TENM2: variants seen among roughly 807,000 people sequenced by gnomAD.
TENM2 encodes teneurin transmembrane protein 2.
In TENM2, 52 loss-of-function variants were observed where a neutral mutation model predicts 245.2. That is an observed-to-expected ratio of 0.21 (90% confidence interval 0.17 to 0.27). The LOEUF (loss-of-function observed/expected upper bound fraction) is 0.27. Among genes scored for constraint, TENM2 ranks in the 10% least tolerant of loss-of-function variants. The probability of loss-of-function intolerance (pLI) is 1.00; values close to 1 mark genes in which losing one functional copy is unlikely to be tolerated. For synonymous variants in TENM2, 1,363 were observed against 1,438.9 expected, an observed-to-expected ratio of 0.95 and a Z score of 1.19; for missense variants, 3,046 against 3,666.8, an observed-to-expected ratio of 0.83 and a Z score of 4.37.
At chr5:167,839,711 G>A (rs2151141886) in intron 2 of TENM2, among the ~76,000 whole-genome samples, 1 of 152,258 alleles carries the variant, frequency 6.6e-6, no homozygotes, top group Middle Eastern at 3.4e-3. Context: ...AGTGTTTGCA[G>A]TTTCTCTAAG....
chr5:168,150,723 G>A lies in TENM2; in HGVS notation c.2423-11888G>A, dbSNP rs544355618. 1.1e-3 allele frequency among the ~76,000 whole-genome samples: 165 copies of A among 152,290 alleles called. 1 individual carries two copies. Among genetic ancestry groups the A allele is most frequent in the Non-Finnish European group, 2.1e-3 (146 of 68,022 alleles). ...CTTGGGGAACAAGAAATCAAAGCAA[G>A]TAATATGATATTCTGAGTCTGCCTT... On this transcript the variant is annotated intron_variant, in intron 12 of 28. Coordinates refer to ENST00000518659, the Ensembl canonical transcript of TENM2.
At position 168,094,670 on chromosome 5, in the gene TENM2, G is replaced by A. The variant is rs115106245; in HGVS notation, c.1712-3356G>A. ...CCTGCAACTAGATGATCCCATCTGGGGGTCATGGGGGACAGTAATAGATCA... is the reference window on the plus strand; with the variant it reads ...CCTGCAACTAGATGATCCCATCTGGAGGTCATGGGGGACAGTAATAGATCA... On this transcript the variant is annotated intron_variant, in intron 8 of 28. Transcript: ENST00000518659. Among the ~76,000 whole-genome samples, 320 of 151,560 alleles carry A rather than the reference G, an allele frequency of 2.1e-3. 1 individual carries two copies. The highest frequency in any genetic ancestry group is 7.4e-3 in the African/African-American group (307 of 41,298).
At chr5:167,458,497 A>AC (rs1283221593) in intron 2 of TENM2, among the ~76,000 whole-genome samples, 1 of 108,372 alleles carries the variant, frequency 9.2e-6, no homozygotes, top group Non-Finnish European at 2.0e-5. Context: ...AAAAAAACAA[A>AC]AAAAAAAAAA....
chr5:167,334,057 G>T (rs1208973347), intron 1 of TENM2, among the ~76,000 whole-genome samples: 1 of 151,894 alleles, frequency 6.6e-6, no homozygotes, highest in Non-Finnish European at 1.5e-5. Context: ...TATATTTATT[G>T]AATCTTTCCT....
the TENM2 span, among the ~76,000 whole-genome samples, chr5:167,160,564 A>G: frequency 6.6e-6 from 1 of 152,192 alleles, no homozygotes; most frequent in African/African-American, 2.4e-5. Flanking sequence ...CGCTGACACA[A>G]TTTGCTTCGC....
the TENM2 span, among the ~76,000 whole-genome samples, chr5:167,101,849 T>TTATATATTTATATATATATATATA: frequency 5.8e-5 from 4 of 69,438 alleles, no homozygotes; most frequent in Non-Finnish European, 7.9e-5. Context: ...ATATATATAT[T>TTATATATTTATATATATATATATA]TATATATATA....
At chr5:167,205,531 T>C in the TENM2 span, among the ~76,000 whole-genome samples, 1 of 152,218 alleles carries the variant, frequency 6.6e-6, no homozygotes, top group African/African-American at 2.4e-5. Flanking sequence ...TACTCTTCAT[T>C]TGAAATATTG....
chr5:167,741,720 C>T (rs1304378329), intron 2 of TENM2, among the ~76,000 whole-genome samples: 1 of 152,178 alleles, frequency 6.6e-6, no homozygotes, highest in Non-Finnish European at 1.5e-5. Context: ...TAACATACCA[C>T]CATCTTCCGC....
At chr5:167,265,026 G>T in the TENM2 span, among the ~76,000 whole-genome samples, 1 of 151,958 alleles carries the variant, frequency 6.6e-6, no homozygotes, top group Non-Finnish European at 1.5e-5. Context: ...AAAGCCATGT[G>T]GATAAAGGAA....
intron 2 of TENM2, among the ~76,000 whole-genome samples, chr5:167,504,719 T>G (rs1400269558): frequency 6.6e-6 from 1 of 152,190 alleles, no homozygotes; most frequent in Non-Finnish European, 1.5e-5. Flanking sequence ...TAGATCTGTC[T>G]TTAGTTTTGT....
chr5:168,170,232 G>T (rs144781066), intron 13 of TENM2, among the ~76,000 whole-genome samples: 1 of 152,276 alleles, frequency 6.6e-6, no homozygotes, highest in Non-Finnish European at 1.5e-5. Context: ...AGCTGCGCAC[G>T]GTGGCTCACA....
chr5:168,190,533 C>G (rs1480037260), exon 14 of TENM2: 1 of 1,613,738 alleles, frequency 6.2e-7, no homozygotes, highest in African/African-American at 1.3e-5. Context: ...CTGGAGAGAA[C>G]CCTTTCAACA....
At chr5:167,557,614 C>A (rs991038743) in intron 2 of TENM2, among the ~76,000 whole-genome samples, 1 of 152,146 alleles carries the variant, frequency 6.6e-6, no homozygotes, top group Non-Finnish European at 1.5e-5. Flanking sequence ...ATAATATGAG[C>A]CCGATCCTAG....
Position 168,090,731 on chromosome 5 carries a change from A to T in TENM2, c.1673A>T (p.Lys558Ile), listed in dbSNP as rs1446671143. 1.9e-6 allele frequency: 3 copies of T among 1,613,924 alleles called. No individual in the cohort carries two copies. In the East Asian group the frequency reaches 6.7e-5, roughly 36 times the overall value. ...CATCTGGCCTTCTACAATGATGGAA[A>T]AGACAAAGAGATGGTTTCCTTCAAT... Residue 558 changes from lysine (K) to isoleucine (I), a missense_variant, in exon 8 of 29, where the codon AAA (lysine) becomes ATA (isoleucine). By Grantham distance (102) the Lys-to-Ile change is moderately radical. Around this residue, in one of 2 missense-constraint regions of TENM2, gnomAD observed 2,704 missense variants for 3,331.9 expected, o/e 0.81. Transcript: ENST00000518659.
intron 12 of TENM2, among the ~76,000 whole-genome samples, chr5:168,149,788 G>A (rs184680299): frequency 7.9e-4 from 121 of 152,284 alleles, no homozygotes; most frequent in South Asian, 8.3e-4. Flanking sequence ...TCCGTACAGT[G>A]GACTATGAGG....
chr5:167,519,973 C>T (rs1476991077), intron 2 of TENM2, among the ~76,000 whole-genome samples: 1 of 152,084 alleles, frequency 6.6e-6, no homozygotes, highest in Admixed American at 6.6e-5. Context: ...TTTGAAAATA[C>T]CGAAAACATT....
intron 2 of TENM2, among the ~76,000 whole-genome samples, chr5:167,531,816 T>C (rs1771526111): frequency 1.3e-5 from 2 of 152,192 alleles, no homozygotes. Flanking sequence ...TAATAAATAA[T>C]AGCCAATTAG....
At chr5:167,692,265 G>C (rs570179291) in intron 2 of TENM2, among the ~76,000 whole-genome samples, 2 of 152,254 alleles carry the variant, frequency 1.3e-5, no homozygotes, top group Admixed American at 6.5e-5. Flanking sequence ...TATTAAAAAG[G>C]TCAAATGAAT....
chr5:167,884,780 A>G (rs1032232193), intron 3 of TENM2, among the ~76,000 whole-genome samples: 1 of 152,172 alleles, frequency 6.6e-6, no homozygotes, highest in African/African-American at 2.4e-5. Flanking sequence ...CCAAAAGTGG[A>G]ATCATTGAAT....
Sources: gnomAD v4.1 joint callset for allele counts (sites outside exome capture counted in the v4.1 genomes callset) on GRCh38, gnomAD v4.1.1 for gene constraint, gnomAD v4.1.1 regional missense constraint, MANE v1.5 for transcripts, NCBI Gene and HGNC (gene_info 2026-07-23, HGNC 2026-07-21) for gene names.